The following RABGAP1L variants were observed in gnomAD, a reference collection of about 807,000 sequenced individuals.
RABGAP1L encodes the protein RAB GTPase activating protein 1 like.
A neutral mutation model predicts 137.7 loss-of-function variants in RABGAP1L; 63 were observed. That is an observed-to-expected ratio of 0.46 (90% CI 0.37 to 0.56). The LOEUF is 0.56. RABGAP1L is among the 20% of genes least tolerant of loss of function. The pLI, the probability that RABGAP1L is intolerant of heterozygous loss-of-function variation, is 0.00. For missense variants in RABGAP1L, 1,095 were observed against 1,244.0 expected, an observed-to-expected ratio of 0.88 and a Z score of 1.80; for synonymous variants, 431 against 433.7, an observed-to-expected ratio of 0.99 and a Z score of 0.08.
At chr1:174,450,434 C>T (rs1405058658) in intron 13 of RABGAP1L, among the ~76,000 whole-genome samples, 2 of 152,004 alleles carry the variant, frequency 1.3e-5, no homozygotes, top group Non-Finnish European at 2.9e-5. Flanking sequence ...AAGTTGTCAA[C>T]ATTGGAAAAA....
intron 17 of RABGAP1L, among the ~76,000 whole-genome samples, chr1:174,704,631 A>G (rs1047870972): frequency 6.6e-6 from 1 of 152,254 alleles, no homozygotes; most frequent in African/African-American, 2.4e-5. Context: ...GATTTATAAT[A>G]TGTTAATTCT....
chr1:174,842,094 A>G (rs1693474327), intron 19 of RABGAP1L, among the ~76,000 whole-genome samples: 2 of 152,226 alleles, frequency 1.3e-5, no homozygotes, highest in South Asian at 4.1e-4. Context: ...ATGTTAAACC[A>G]AAAATAAACT....
rs1056195965 is a variant in RABGAP1L, at chr1:174,987,207, G to A, written c.2806-1434G>A. Among the ~76,000 whole-genome samples the A allele has an allele frequency of 7.2e-5, 11 of 151,754 alleles. No individual in the cohort carries two copies. In the East Asian group the frequency reaches 1.5e-3, roughly 21 times the overall value. On this transcript the variant is annotated intron_variant, in intron 24 of 25. Transcript: ENST00000681986. ...TTTTGAGACGGAGTCTTGCTCTGTC[G>A]CCAGGCTGGAGTGCAGTGGCGCGAT... is the stretch of plus-strand genomic sequence containing the variant.
intron 13 of RABGAP1L, among the ~76,000 whole-genome samples, chr1:174,522,352 T>C (rs1205575866): frequency 2.0e-5 from 3 of 151,914 alleles, no homozygotes; most frequent in African/African-American, 7.3e-5. Flanking sequence ...CCTAGGCAGG[T>C]GATCATGTGA....
chr1:174,250,762 A>T, intron 6 of RABGAP1L, 130 bp downstream of exon 6: 1 of 785,210 alleles, frequency 1.3e-6, no homozygotes, highest in South Asian at 2.7e-5. Flanking sequence ...TGGTGAATTA[A>T]TATTTTTTAT....
chr1:174,690,829 CTTTTTTTTTT>C, intron 15 of RABGAP1L, among the ~76,000 whole-genome samples: 2 of 116,942 alleles, frequency 1.7e-5, no homozygotes, highest in East Asian at 5.0e-4. Flanking sequence ...CAGCATTCAT[CTTTTTTTTTT>C]TTTTTTTTTT....
At chr1:174,765,588 A>C (rs1464866044) in intron 18 of RABGAP1L, among the ~76,000 whole-genome samples, 2 of 151,124 alleles carry the variant, frequency 1.3e-5, no homozygotes, top group Non-Finnish European at 2.9e-5. Flanking sequence ...GTGTGCCACC[A>C]TGTCCAGCAA....
intron 11 of RABGAP1L, among the ~76,000 whole-genome samples, chr1:174,351,120 C>G (rs1571353795): frequency 6.9e-6 from 1 of 144,734 alleles, no homozygotes; most frequent in African/African-American, 2.5e-5. Flanking sequence ...CTATTTATAT[C>G]TTATTATCTT....
chr1:174,407,525 G>A (rs1343723106), intron 13 of RABGAP1L, among the ~76,000 whole-genome samples: 2 of 152,104 alleles, frequency 1.3e-5, no homozygotes, highest in African/African-American at 4.8e-5. Context: ...TAGGCAGTCA[G>A]TTAACATGTA....
At chr1:174,521,612 G>A (rs1264228309) in intron 13 of RABGAP1L, among the ~76,000 whole-genome samples, 1 of 152,184 alleles carries the variant, frequency 6.6e-6, no homozygotes, top group Non-Finnish European at 1.5e-5. Flanking sequence ...AATTAGCGTG[G>A]AGATAAGTAA....
intron 1 of RABGAP1L, among the ~76,000 whole-genome samples, chr1:174,200,227 G>C (rs1230578273): frequency 6.6e-6 from 1 of 152,166 alleles, no homozygotes; most frequent in African/African-American, 2.4e-5. Context: ...AACTACAAAA[G>C]GATCTATATG....
At chr1:174,295,927 A>G (rs1027530310) in intron 10 of RABGAP1L, among the ~76,000 whole-genome samples, 5 of 152,202 alleles carry the variant, frequency 3.3e-5, no homozygotes, top group Non-Finnish European at 7.3e-5. Flanking sequence ...AAAAGTGGTC[A>G]GTGTTGAGAA....
chr1:174,218,989 A>G (rs758517357), intron 1 of RABGAP1L, 136 bp from the exon 2 acceptor site: 130 of 659,608 alleles, frequency 2.0e-4, no homozygotes, highest in Non-Finnish European at 2.9e-4. Context: ...TAGCCTCCCT[A>G]ACTTTGAGAT....
chr1:174,208,945 A>G (rs1668682724), intron 1 of RABGAP1L, among the ~76,000 whole-genome samples: 1 of 152,208 alleles, frequency 6.6e-6, no homozygotes, highest in South Asian at 2.1e-4. Flanking sequence ...GTAGAACAGC[A>G]GTCCCCAACC....
chr1:174,790,112 A>G (rs1687737792), intron 18 of RABGAP1L, among the ~76,000 whole-genome samples: 1 of 152,066 alleles, frequency 6.6e-6, no homozygotes, highest in Non-Finnish European at 1.5e-5. Flanking sequence ...CAGGAGGCTG[A>G]GACACGAGGA....
chr1:174,583,812 A>G (rs142515450), intron 13 of RABGAP1L, among the ~76,000 whole-genome samples: 1 of 152,300 alleles, frequency 6.6e-6, no homozygotes, highest in Non-Finnish European at 1.5e-5. Flanking sequence ...ATACCTTACT[A>G]TGTTTACTAT....
intron 1 of RABGAP1L, among the ~76,000 whole-genome samples, chr1:174,200,596 G>A (rs1387747845): frequency 6.6e-6 from 1 of 152,080 alleles, no homozygotes; most frequent in Non-Finnish European, 1.5e-5. Context: ...ATATTTTGAA[G>A]GTTACAAATT....
At chr1:174,267,517 C>G (rs1020426035) in intron 7 of RABGAP1L, among the ~76,000 whole-genome samples, 4 of 152,114 alleles carry the variant, frequency 2.6e-5, no homozygotes, top group Non-Finnish European at 5.9e-5. Flanking sequence ...GGAAATGACT[C>G]TGGCAAATTT....
At chr1:174,229,054 T>C (rs1049590253) in intron 3 of RABGAP1L, among the ~76,000 whole-genome samples, 1 of 151,966 alleles carries the variant, frequency 6.6e-6, no homozygotes, top group East Asian at 1.9e-4. Context: ...ATGATGGGGA[T>C]GGAATTGGGC....
Sources: allele counts gnomAD v4.1 joint callset (sites outside exome capture counted in the v4.1 genomes callset), GRCh38; gene constraint gnomAD v4.1.1; transcripts MANE v1.5; gene names NCBI Gene and HGNC (gene_info 2026-07-23, HGNC 2026-07-21).